The following CACNA2D1 variants were observed in gnomAD, a reference collection of about 807,000 sequenced individuals.
CACNA2D1 encodes voltage-dependent calcium channel subunit alpha-2/delta-1.
CACNA2D1 carries 53 observed loss-of-function variants against 171.5 expected under a neutral mutation model. The ratio of observed to expected loss-of-function variants is 0.31; its 90% CI spans 0.25 to 0.39. The LOEUF is 0.39. CACNA2D1 is among the 10% of genes least tolerant of loss of function. CACNA2D1 has a pLI of 1.00. For synonymous variants in CACNA2D1, 442 were observed against 443.1 expected (o/e 1.00, Z 0.03); for missense variants, 903 against 1,299.8 (o/e 0.69, Z 4.69).
At chr7:82,285,317 G>A (rs1810621122) in intron 3 of CACNA2D1, among the ~76,000 whole-genome samples, 1 of 151,830 alleles carries the variant, frequency 6.6e-6, no homozygotes, top group Non-Finnish European at 1.5e-5. Context: ...CCTCAATCAG[G>A]CCCCAAATCC....
At chr7:82,251,181 C>T (rs1397336112) in intron 3 of CACNA2D1, among the ~76,000 whole-genome samples, 1 of 152,094 alleles carries the variant, frequency 6.6e-6, no homozygotes, top group Admixed American at 6.6e-5. Flanking sequence ...AGTATTAAAG[C>T]CAGAAATCAC....
At chr7:82,172,037 C>G (rs894932945) in intron 3 of CACNA2D1, among the ~76,000 whole-genome samples, 3 of 151,796 alleles carry the variant, frequency 2.0e-5, no homozygotes, top group Non-Finnish European at 4.4e-5. Context: ...ATCAGTGACT[C>G]TATAATATTG....
intron 10 of CACNA2D1, among the ~76,000 whole-genome samples, chr7:82,045,409 T>G (rs916122339): frequency 1.3e-5 from 2 of 152,138 alleles, no homozygotes; most frequent in Non-Finnish European, 2.9e-5. Flanking sequence ...TTAAAAGAGT[T>G]TTGTACTTAG....
chr7:82,121,095 C>A (rs1019297222), intron 5 of CACNA2D1, among the ~76,000 whole-genome samples: 4 of 152,048 alleles, frequency 2.6e-5, no homozygotes, highest in African/African-American at 9.7e-5. Flanking sequence ...ATCTTGCTCT[C>A]TTCCCCAGCC....
At chr7:82,138,318 A>G (rs572945575) in intron 4 of CACNA2D1, among the ~76,000 whole-genome samples, 8 of 152,174 alleles carry the variant, frequency 5.3e-5, no homozygotes, top group Non-Finnish European at 8.8e-5. Flanking sequence ...AATTTCATTT[A>G]GAATCACTAA....
chr7:82,225,779 T>C (rs1363648101), intron 3 of CACNA2D1, among the ~76,000 whole-genome samples: 1 of 152,164 alleles, frequency 6.6e-6, no homozygotes, highest in Admixed American at 6.5e-5. Context: ...GGAAGAGAGG[T>C]ATTGCTTCTG....
At chr7:82,014,532 T>C in intron 12 of CACNA2D1, 53 bp from the exon 13 acceptor site, 1 of 962,956 alleles carries the variant, frequency 1.0e-6, no homozygotes, top group Non-Finnish European at 1.7e-6. Flanking sequence ...TTTAATTCAA[T>C]GGCAAAATAA....
intron 4 of CACNA2D1, among the ~76,000 whole-genome samples, chr7:82,150,805 T>C (rs1284513667): frequency 6.6e-6 from 1 of 152,146 alleles, no homozygotes; most frequent in Non-Finnish European, 1.5e-5. Context: ...GTACTGCTTC[T>C]TTGTAAAAAA....
chr7:82,427,860 T>C (rs1427095203), intron 1 of CACNA2D1, among the ~76,000 whole-genome samples: 1 of 152,176 alleles, frequency 6.6e-6, no homozygotes, highest in East Asian at 1.9e-4. Flanking sequence ...TGAATATCTG[T>C]CCTCTGTTTC....
chr7:82,050,169 G>C (rs1475883695), intron 10 of CACNA2D1, among the ~76,000 whole-genome samples: 1 of 152,136 alleles, frequency 6.6e-6, no homozygotes, highest in Non-Finnish European at 1.5e-5. Flanking sequence ...TCTCTTACTT[G>C]CCTACACAGT....
At chr7:82,138,496 G>C (rs1308116519) in intron 4 of CACNA2D1, among the ~76,000 whole-genome samples, 3 of 144,068 alleles carry the variant, frequency 2.1e-5, no homozygotes, top group Non-Finnish European at 3.0e-5. Context: ...GCCCAGGCTG[G>C]AGTGCAGTGG....
intron 9 of CACNA2D1, among the ~76,000 whole-genome samples, chr7:82,061,723 G>A (rs1007453866): frequency 2.0e-5 from 3 of 152,146 alleles, no homozygotes; most frequent in Non-Finnish European, 4.4e-5. Flanking sequence ...AAGGCTCGGA[G>A]GGAGATTAGG....
At chr7:82,347,902 A>G (rs555914131) in intron 2 of CACNA2D1, among the ~76,000 whole-genome samples, 2 of 152,310 alleles carry the variant, frequency 1.3e-5, no homozygotes, top group East Asian at 3.9e-4. Flanking sequence ...CATAAAGCAT[A>G]ATAGAAACCA....
intron 7 of CACNA2D1, among the ~76,000 whole-genome samples, chr7:82,071,908 G>A (rs1303971261): frequency 1.3e-5 from 2 of 152,010 alleles, no homozygotes; most frequent in African/African-American, 2.4e-5. Flanking sequence ...AAAGTTTTAC[G>A]GTGGTATTGA....
chr7:82,172,794 A>G (rs1053585218), intron 3 of CACNA2D1, among the ~76,000 whole-genome samples: 2 of 151,516 alleles, frequency 1.3e-5, no homozygotes, highest in Non-Finnish European at 2.9e-5. Context: ...TAAAAAAAAA[A>G]AAAAGCAGTA....
chr7:82,022,252 C>T (rs1055646043), intron 12 of CACNA2D1, among the ~76,000 whole-genome samples: 7 of 150,886 alleles, frequency 4.6e-5, no homozygotes, highest in South Asian at 4.2e-4. Context: ...CACACACACA[C>T]GTGCATAAAA....
At chr7:81,957,994 C>G (rs1793629969) in intron 38 of CACNA2D1, among the ~76,000 whole-genome samples, 1 of 151,918 alleles carries the variant, frequency 6.6e-6, no homozygotes, top group African/African-American at 2.4e-5. Context: ...GACCCTTGGC[C>G]CTTCATAAAA....
chr7:81,949,439 A>G lies in CACNA2D1; in HGVS notation c.*953T>C, dbSNP rs1191215195. 6.6e-6 allele frequency: 1 copy of G among 152,086 alleles called. No individual in the cohort carries two copies. The highest frequency in any genetic ancestry group is 1.5e-5 in the Non-Finnish European group (1 of 67,984). 9.4% of individuals were successfully genotyped at this position (152,086 alleles called of 1,614,324 possible). A position where few individuals can be genotyped will look rare whatever the true frequency, so the allele number is the denominator to read the frequency against. ...TCACTCAGTTAACTTTTCAATGACT[A>G]CACTCTACAGTAAGAGAAAAAACAA... On this transcript the variant is annotated 3_prime_UTR_variant, in exon 39 of 39. Coordinates refer to ENST00000356860, the MANE Select transcript of CACNA2D1 (RefSeq NM_000722.4).
In CACNA2D1 at chr7:82,180,924, C is replaced by T. The variant is rs143232354; in HGVS notation, c.295-10315G>A. Among the ~76,000 whole-genome samples, 130 of 151,406 alleles carry T rather than the reference C, an allele frequency of 8.6e-4. 1 individual carries two copies. The highest frequency in any genetic ancestry group is 2.3e-3 in the South Asian group (11 of 4,772). On this transcript the variant is annotated intron_variant, in intron 3 of 38. Transcript: ENST00000356860. Reference sequence around the variant, plus strand: ...CTTTCTTAAGGTGCTCAGGCTTTCTCGCAGGTGTTGCAGATTGGCTAGTTT... The same window carrying T: ...CTTTCTTAAGGTGCTCAGGCTTTCTTGCAGGTGTTGCAGATTGGCTAGTTT...
Sources: allele counts gnomAD v4.1 joint callset (sites outside exome capture counted in the v4.1 genomes callset), GRCh38; gene constraint gnomAD v4.1.1; transcripts MANE v1.5; gene names NCBI Gene and HGNC (gene_info 2026-07-23, HGNC 2026-07-21).